RFX3: variants seen among roughly 807,000 people sequenced by gnomAD.
RFX3 encodes transcription factor RFX3.
RFX3 carries 14 observed loss-of-function variants against 98.6 expected under a neutral mutation model. The ratio of observed to expected loss-of-function variants is 0.14; its 90% confidence interval spans 0.09 to 0.22. The LOEUF (loss-of-function observed/expected upper bound fraction) is 0.22, where lower values mean the gene tolerates loss of function less well. RFX3 is among the 10% of genes least tolerant of loss of function. RFX3 has a pLI of 1.00. For synonymous variants in RFX3, 383 were observed against 328.4 expected (o/e 1.17, Z -1.80); for missense variants, 639 against 926.9 (o/e 0.69, Z 4.03).
intron 5 of RFX3, among the ~76,000 whole-genome samples, chr9:3,295,539 A>C (rs1442173672): frequency 2.0e-5 from 3 of 152,150 alleles, no homozygotes; most frequent in Non-Finnish European, 2.9e-5. Flanking sequence ...AAAGGCAGAC[A>C]TAAAAAATGT....
chr9:3,351,324 A>C (rs75117723), intron 2 of RFX3, among the ~76,000 whole-genome samples: 3,220 of 152,152 alleles, frequency 0.021, 124 homozygotes, highest in African/African-American at 0.074. Flanking sequence ...TATATATGTA[A>C]ATATACAAAC....
At chr9:3,285,891 A>G (rs1027063865) in intron 7 of RFX3, among the ~76,000 whole-genome samples, 1 of 151,306 alleles carries the variant, frequency 6.6e-6, no homozygotes, top group Non-Finnish European at 1.5e-5. Context: ...GCTAATCTTT[A>G]TAGAATCTGT....
chr9:3,502,571 A>G (rs547684321), intron 1 of RFX3, among the ~76,000 whole-genome samples: 2 of 152,360 alleles, frequency 1.3e-5, no homozygotes, highest in East Asian at 3.9e-4. Context: ...GTCTTTGTGC[A>G]GTCAACACTA....
At chr9:3,414,784 A>G (rs1001084443) in intron 1 of RFX3, among the ~76,000 whole-genome samples, 5 of 134,624 alleles carry the variant, frequency 3.7e-5, no homozygotes, top group South Asian at 2.3e-4. Context: ...GTATATATGT[A>G]TATATGAGTA....
intron 2 of RFX3, among the ~76,000 whole-genome samples, chr9:3,391,858 T>C (rs1168581454): frequency 6.6e-6 from 1 of 152,166 alleles, no homozygotes; most frequent in Non-Finnish European, 1.5e-5. Context: ...CTAACTTTAG[T>C]AAAATGTTTG....
intron 13 of RFX3, among the ~76,000 whole-genome samples, chr9:3,260,341 T>C (rs1311437864): frequency 1.3e-5 from 2 of 151,948 alleles, no homozygotes; most frequent in African/African-American, 2.4e-5. Flanking sequence ...AGTCGTACAG[T>C]AGACATATCA....
At chr9:3,421,490 T>C (rs1278314178) in intron 1 of RFX3, among the ~76,000 whole-genome samples, 1 of 152,226 alleles carries the variant, frequency 6.6e-6, no homozygotes. Flanking sequence ...GTCTATTTTG[T>C]AAAAATATAT....
intron 2 of RFX3, among the ~76,000 whole-genome samples, chr9:3,393,069 G>A (rs1840480090): frequency 7.2e-6 from 1 of 139,070 alleles, no homozygotes; most frequent in Non-Finnish European, 1.5e-5. Context: ...GGGTGGGTGG[G>A]CCAGGGTGTG....
chr9:3,387,166 C>T (rs566048213), intron 2 of RFX3, among the ~76,000 whole-genome samples: 1 of 152,300 alleles, frequency 6.6e-6, no homozygotes, highest in African/African-American at 2.4e-5. Flanking sequence ...TTGACCCTCA[C>T]TCCCAAAGAC....
At chr9:3,236,609 G>A (rs1403430616) in intron 15 of RFX3, among the ~76,000 whole-genome samples, 3 of 152,192 alleles carry the variant, frequency 2.0e-5, no homozygotes, top group Non-Finnish European at 4.4e-5. Context: ...GAGGTGGGCA[G>A]TCAGAGGCCA....
intron 2 of RFX3, among the ~76,000 whole-genome samples, chr9:3,354,566 C>A (rs924144926): frequency 6.6e-6 from 1 of 151,692 alleles, no homozygotes; most frequent in African/African-American, 2.4e-5. Flanking sequence ...AAAAAAACAG[C>A]TTTAAAGTAG....
intron 14 of RFX3, among the ~76,000 whole-genome samples, chr9:3,251,470 C>T (rs1162599995): frequency 6.6e-6 from 1 of 151,940 alleles, no homozygotes; most frequent in African/African-American, 2.4e-5. Context: ...CTCCTCACCT[C>T]CCATAGGCAC....
intron 1 of RFX3, among the ~76,000 whole-genome samples, chr9:3,469,470 C>T (rs899836631): frequency 5.3e-5 from 8 of 152,144 alleles, no homozygotes; most frequent in South Asian, 4.2e-4. Flanking sequence ...ATATAAACTA[C>T]GAAATCTCTC....
At chr9:3,491,915 T>C (rs549604456) in intron 1 of RFX3, among the ~76,000 whole-genome samples, 4 of 152,316 alleles carry the variant, frequency 2.6e-5, no homozygotes, top group South Asian at 2.1e-4. Flanking sequence ...CCCATACTAA[T>C]AGTTTACAGA....
intron 2 of RFX3, among the ~76,000 whole-genome samples, chr9:3,357,403 T>C (rs1835905619): frequency 6.6e-6 from 1 of 152,050 alleles, no homozygotes. Context: ...TCTCTACTTT[T>C]CTAAATTTTT....
At chr9:3,280,364 C>A (rs943477474) in intron 7 of RFX3, among the ~76,000 whole-genome samples, 1 of 151,702 alleles carries the variant, frequency 6.6e-6, no homozygotes, top group South Asian at 2.1e-4. Flanking sequence ...GCTTTTCTTG[C>A]TTTAAGTAAT....
At chr9:3,475,322 C>T (rs930285320) in intron 1 of RFX3, among the ~76,000 whole-genome samples, 1 of 151,406 alleles carries the variant, frequency 6.6e-6, no homozygotes, top group African/African-American at 2.4e-5. Context: ...GACAGCTGGG[C>T]CCGGGGGACC....
At chr9:3,312,588 A>G (rs1349395257) in intron 4 of RFX3, among the ~76,000 whole-genome samples, 2 of 151,706 alleles carry the variant, frequency 1.3e-5, no homozygotes, top group African/African-American at 4.8e-5. Context: ...AAAAAAAAAA[A>G]GCAGGGGGAT....
At chr9:3,500,386 G>C (rs1815864017) in intron 1 of RFX3, among the ~76,000 whole-genome samples, 1 of 151,972 alleles carries the variant, frequency 6.6e-6, no homozygotes, top group Admixed American at 6.6e-5. Context: ...TCATTTTCCG[G>C]ATGAAAAGAA....
Sources: allele counts gnomAD v4.1 joint callset (sites outside exome capture counted in the v4.1 genomes callset), GRCh38; gene constraint gnomAD v4.1.1; transcripts MANE v1.5; gene names NCBI Gene and HGNC (gene_info 2026-07-23, HGNC 2026-07-21).